Variants in GAREM1 observed in about 807,000 individuals in gnomAD.
The protein encoded by GAREM1 is GRB2 associated regulator of MAPK1 subtype 1, also known as GRB2-associated and regulator of MAPK protein 1.
GAREM1 carries 26 observed loss-of-function variants against 71.3 expected under a neutral mutation model. The ratio of observed to expected loss-of-function variants is 0.36; its 90% confidence interval spans 0.27 to 0.51. The LOEUF is 0.51. GAREM1 is among the 20% of genes least tolerant of loss of function. GAREM1 has a pLI of 0.95. For synonymous variants in GAREM1, 440 were observed against 433.2 expected (o/e 1.02, Z -0.20); for missense variants, 1,026 against 1,103.1 (o/e 0.93, Z 0.99).
chr18:32,392,806 T>C (rs2048215343), intron 2 of GAREM1, 89 bp downstream of exon 2: 13 of 1,374,436 alleles, frequency 9.5e-6, no homozygotes, highest in Non-Finnish European at 1.3e-5. Flanking sequence ...TTCTACTTTC[T>C]AGTTTACAGA....
intron 3 of GAREM1, among the ~76,000 whole-genome samples, chr18:32,291,977 A>G (rs1194299182): frequency 6.6e-6 from 1 of 152,206 alleles, no homozygotes; most frequent in Non-Finnish European, 1.5e-5. Flanking sequence ...TTTATAGCAG[A>G]ATGATTTATA....
At position 32,265,669 on chromosome 18, in the gene GAREM1, T is replaced by G. The variant is rs1305517549; in HGVS notation, c.*2202A>C. On this transcript the variant is annotated 3_prime_UTR_variant, in exon 6 of 6. Coordinates refer to ENST00000269209, the MANE Select transcript of GAREM1 (RefSeq NM_001242409.2). ...CAAGTCCAAAACAAGCAAAAAGAAT[T>G]TAAAACCCTATTTTGTGTAAAGTTT... 2.0e-5 allele frequency: 3 copies of G among 152,048 alleles called. No individual in the cohort carries two copies. Among genetic ancestry groups the G allele is most frequent in the Non-Finnish European group, 4.4e-5 (3 of 68,010 alleles). 9.4% of individuals were successfully genotyped at this position (152,048 alleles called of 1,614,324 possible).
intron 3 of GAREM1, among the ~76,000 whole-genome samples, chr18:32,293,391 C>T (rs2047106966): frequency 6.6e-6 from 1 of 152,148 alleles, no homozygotes; most frequent in African/African-American, 2.4e-5. Flanking sequence ...CCTAAATGAG[C>T]TCCTACTGCT....
chr18:32,411,181 T>C (rs188116614), intron 1 of GAREM1, among the ~76,000 whole-genome samples: 116 of 152,356 alleles, frequency 7.6e-4, no homozygotes, highest in African/African-American at 2.5e-3. Flanking sequence ...AGCTTCTGTG[T>C]CTAATAAGAA....
chr18:32,269,336 A>C (rs1432159332), intron 5 of GAREM1, among the ~76,000 whole-genome samples: 1 of 152,234 alleles, frequency 6.6e-6, no homozygotes, highest in East Asian at 1.9e-4. Flanking sequence ...AGAGAACAAA[A>C]AGTACCTGCA....
intron 2 of GAREM1, among the ~76,000 whole-genome samples, chr18:32,368,779 T>C (rs1456477217): frequency 6.6e-6 from 1 of 152,210 alleles, no homozygotes; most frequent in Non-Finnish European, 1.5e-5. Context: ...GCAACATGAA[T>C]GTGGCTTTTC....
intron 2 of GAREM1, among the ~76,000 whole-genome samples, chr18:32,348,595 G>T (rs749324448): frequency 6.6e-6 from 1 of 151,688 alleles, no homozygotes; most frequent in Non-Finnish European, 1.5e-5. Context: ...GTGGTGGTGC[G>T]TGCTTGTAAT....
At chr18:32,311,421 A>G (rs1198711311) in intron 2 of GAREM1, among the ~76,000 whole-genome samples, 1 of 152,240 alleles carries the variant, frequency 6.6e-6, no homozygotes. Context: ...TAATGGAATT[A>G]ACACAAATCT....
chr18:32,428,849 T>C (rs146280009), intron 1 of GAREM1, among the ~76,000 whole-genome samples: 2 of 152,254 alleles, frequency 1.3e-5, no homozygotes, highest in East Asian at 3.9e-4. Context: ...ATCTTTTCGG[T>C]TCCTTGTTTT....
intron 1 of GAREM1, among the ~76,000 whole-genome samples, chr18:32,402,135 T>G (rs1237640624): frequency 6.6e-6 from 1 of 152,192 alleles, no homozygotes; most frequent in African/African-American, 2.4e-5. Context: ...TGTGACATAA[T>G]TATTCTGTTG....
At chr18:32,457,671 T>C (rs930230924) in intron 1 of GAREM1, among the ~76,000 whole-genome samples, 1 of 152,166 alleles carries the variant, frequency 6.6e-6, no homozygotes, top group Non-Finnish European at 1.5e-5. Context: ...GTTTCACTTT[T>C]AGCAACTGCC....
intron 1 of GAREM1, among the ~76,000 whole-genome samples, chr18:32,420,274 C>T (rs533812440): frequency 3.6e-4 from 55 of 152,004 alleles, no homozygotes; most frequent in African/African-American, 1.3e-3. Flanking sequence ...TACTTTTCAA[C>T]CCTAGACAGG....
intron 1 of GAREM1, among the ~76,000 whole-genome samples, chr18:32,415,881 C>T (rs1384315222): frequency 6.6e-6 from 1 of 151,792 alleles, no homozygotes; most frequent in Non-Finnish European, 1.5e-5. Context: ...AGAACAAGCA[C>T]ACAAGAGAAG....
chr18:32,313,608 G>C (rs558257309), intron 2 of GAREM1, among the ~76,000 whole-genome samples: 233 of 152,260 alleles, frequency 1.5e-3, no homozygotes, highest in African/African-American at 5.5e-3. Context: ...GTCACAATGA[G>C]GACAGAATCC....
chr18:32,335,354 G>A (rs1294716694), intron 2 of GAREM1, among the ~76,000 whole-genome samples: 2 of 152,156 alleles, frequency 1.3e-5, no homozygotes, highest in Admixed American at 6.5e-5. Flanking sequence ...TGACTCACAC[G>A]GTTCTGTGTG....
At chr18:32,330,639 G>A (rs955764258) in intron 2 of GAREM1, among the ~76,000 whole-genome samples, 7 of 138,358 alleles carry the variant, frequency 5.1e-5, no homozygotes, top group Non-Finnish European at 7.7e-5. Context: ...ACAAACCACT[G>A]CACTTTTAGA....
chr18:32,429,868 T>C (rs2048607415), intron 1 of GAREM1, among the ~76,000 whole-genome samples: 1 of 152,124 alleles, frequency 6.6e-6, no homozygotes, highest in African/African-American at 2.4e-5. Context: ...GCATGTAAGA[T>C]AGAAAAAAAC....
intron 1 of GAREM1, among the ~76,000 whole-genome samples, chr18:32,421,828 C>A (rs956112975): frequency 3.3e-5 from 5 of 152,086 alleles, no homozygotes; most frequent in African/African-American, 1.2e-4. Context: ...CAAATCCACA[C>A]AAAACCTTCC....
In GAREM1 at chr18:32,403,600, G is replaced by C. The variant is rs115553590; in HGVS notation, c.122-10565C>G. 5.7e-3 allele frequency among the ~76,000 whole-genome samples: 868 copies of C among 152,200 alleles called. 11 individuals carry two copies. Among genetic ancestry groups the C allele is most frequent in the African/African-American group, 0.02 (814 of 41,540 alleles). On this transcript the variant is annotated intron_variant, in intron 1 of 5. Transcript: ENST00000269209. ...CTTTCTTTGCTTTTGTTTTGAGATA[G>C]GTTCTTGCTCTGTCACCCAGTCTGG...
Sources: gnomAD v4.1 joint callset for allele counts (sites outside exome capture counted in the v4.1 genomes callset) on GRCh38, gnomAD v4.1.1 for gene constraint, MANE v1.5 for transcripts, NCBI Gene and HGNC (gene_info 2026-07-23, HGNC 2026-07-21) for gene names.